Variants in TANC2 observed in about 807,000 individuals in gnomAD.
TANC2 encodes protein TANC2.
In TANC2, 26 loss-of-function variants were observed where a neutral mutation model predicts 210.5. That is an observed-to-expected ratio of 0.12 (90% CI 0.09 to 0.17). The LOEUF is 0.17. Among genes scored for constraint, TANC2 ranks in the 10% least tolerant of loss-of-function variants. TANC2 has a pLI of 1.00. For synonymous variants in TANC2, 931 were observed against 967.1 expected (o/e 0.96, Z 0.69); for missense variants, 2,129 against 2,608.9 (o/e 0.82, Z 4.01).
At chr17:63,133,510 T>C (rs1484992479) in intron 4 of TANC2, among the ~76,000 whole-genome samples, 1 of 152,238 alleles carries the variant, frequency 6.6e-6, no homozygotes, top group Non-Finnish European at 1.5e-5. Flanking sequence ...CATAATTCTT[T>C]TTGTTTTCTT....
chr17:63,041,165 AAAGTG>A (rs2035171504), intron 2 of TANC2, among the ~76,000 whole-genome samples: 1 of 152,156 alleles, frequency 6.6e-6, no homozygotes, highest in African/African-American at 2.4e-5. Context: ...TAGCCAAAGC[AAAGTG>A]TTCTCCCCAA....
exon 28 of TANC2, chr17:63,422,058 CT>C: frequency 7.0e-7 from 1 of 1,425,458 alleles, no homozygotes; most frequent in Non-Finnish European, 9.4e-7. Flanking sequence ...CATGTAGTTT[CT>C]GTGTGGTGTT....
chr17:63,419,536 A>T (rs1381044387), intron 27 of TANC2, among the ~76,000 whole-genome samples: 1 of 152,228 alleles, frequency 6.6e-6, no homozygotes, highest in East Asian at 1.9e-4. Flanking sequence ...TCTTGCCTAG[A>T]GTAGAACAGG....
chr17:63,280,810 C>G (rs984391666), intron 9 of TANC2, among the ~76,000 whole-genome samples: 34 of 152,056 alleles, frequency 2.2e-4, no homozygotes, highest in African/African-American at 8.0e-4. Context: ...TTTACTTTGG[C>G]TAACACCTAC....
chr17:63,325,150 C>T (rs1252243105), intron 11 of TANC2, among the ~76,000 whole-genome samples: 2 of 152,020 alleles, frequency 1.3e-5, no homozygotes, highest in Non-Finnish European at 2.9e-5. Flanking sequence ...GACCTCTGTG[C>T]TACCAGTAGC....
intron 7 of TANC2, among the ~76,000 whole-genome samples, chr17:63,214,873 G>GATGATGCA (rs1388744770): frequency 6.6e-6 from 1 of 152,174 alleles, no homozygotes; most frequent in Non-Finnish European, 1.5e-5. Context: ...ACCCTGGGAA[G>GATGATGCA]ATGATGCAAT....
At chr17:63,139,162 A>T (rs894931448) in intron 4 of TANC2, among the ~76,000 whole-genome samples, 6 of 152,172 alleles carry the variant, frequency 3.9e-5, no homozygotes, top group Admixed American at 6.5e-5. Context: ...CTCTGTTTAT[A>T]CTTGTTATCT....
chr17:63,284,083 A>C (rs2044146818), intron 9 of TANC2, among the ~76,000 whole-genome samples: 2 of 151,994 alleles, frequency 1.3e-5, no homozygotes. Context: ...TAGCTATGTC[A>C]ATATGTTCTC....
chr17:63,192,003 C>T (rs1473623936), intron 5 of TANC2, among the ~76,000 whole-genome samples: 1 of 152,104 alleles, frequency 6.6e-6, no homozygotes, highest in Non-Finnish European at 1.5e-5. Context: ...AGGTCCCTGT[C>T]TGTTATTTGA....
At chr17:63,360,925 T>G (rs1225366043) in intron 14 of TANC2, among the ~76,000 whole-genome samples, 1 of 152,246 alleles carries the variant, frequency 6.6e-6, no homozygotes. Context: ...CTTATTTCAC[T>G]TAACGTAATG....
At chr17:63,003,153 T>C (rs555010411) in intron 1 of TANC2, among the ~76,000 whole-genome samples, 1 of 152,368 alleles carries the variant, frequency 6.6e-6, no homozygotes, top group Admixed American at 6.5e-5. Context: ...TAAAGTTAGC[T>C]CTTCTGGTGG....
At chr17:63,406,618 C>T (rs921299656) in intron 21 of TANC2, among the ~76,000 whole-genome samples, 1 of 152,142 alleles carries the variant, frequency 6.6e-6, no homozygotes, top group African/African-American at 2.4e-5. Context: ...TGTAAGCCTG[C>T]ACAACTAATA....
rs58881477 is a variant in TANC2 at position 63,222,720 on chromosome 17, AACACACAC to A, written c.770-15072_770-15065del. Among the ~76,000 whole-genome samples the A allele has an allele frequency of 3.8e-4, 57 of 148,966 alleles. 1 individual carries two copies. The highest frequency in any genetic ancestry group is 2.3e-3 in the South Asian group (11 of 4,708). The stretch of plus-strand genomic sequence containing the variant: ...AATTATACCTTAATAAAACTGATTA[AACACACAC>A]ACACACACACACACACACACATACA... On this transcript the variant is annotated intron_variant, in intron 7 of 27. Coordinates refer to ENST00000689528, the Ensembl canonical transcript of TANC2.
chr17:63,200,826 C>T (rs1180406160), exon 7 of TANC2: 2 of 1,613,828 alleles, frequency 1.2e-6, no homozygotes, highest in Non-Finnish European at 1.7e-6. Flanking sequence ...AGCAGCACTG[C>T]CTCTCCACCA....
chr17:63,089,196 G>A, intron 3 of TANC2: 1 of 152,258 alleles, frequency 6.6e-6, no homozygotes, highest in African/African-American at 2.4e-5. Flanking sequence ...CCCTGGGACA[G>A]AGCATTCCAG....
intron 27 of TANC2, 110 bp from the exon 28 acceptor site, chr17:63,419,889 C>G: frequency 7.7e-7 from 1 of 1,295,706 alleles, no homozygotes; most frequent in Non-Finnish European, 1.0e-6. Context: ...ACCCCAGACT[C>G]CCACAGACGC....
chr17:63,381,475 A>G (rs1448482310), intron 15 of TANC2: 2 of 152,242 alleles, frequency 1.3e-5, no homozygotes, highest in African/African-American at 4.8e-5. Flanking sequence ...CCAAACTGCT[A>G]GAATTCTCAA....
chr17:63,238,393 G>T (rs1016921804), intron 8 of TANC2, among the ~76,000 whole-genome samples: 2 of 152,120 alleles, frequency 1.3e-5, no homozygotes, highest in African/African-American at 4.8e-5. Context: ...GTCTTTGAAA[G>T]AATTTTAGTT....
At chr17:63,266,245 C>A (rs1451898792) in intron 8 of TANC2, among the ~76,000 whole-genome samples, 2 of 151,982 alleles carry the variant, frequency 1.3e-5, no homozygotes, top group African/African-American at 2.4e-5. Flanking sequence ...ATAAAATATT[C>A]TTTTGACTGC....
Sources: gnomAD v4.1 joint callset for allele counts (sites outside exome capture counted in the v4.1 genomes callset) on GRCh38, gnomAD v4.1.1 for gene constraint, MANE v1.5 for transcripts, NCBI Gene and HGNC (gene_info 2026-07-23, HGNC 2026-07-21) for gene names.